The following SFMBT2 variants were observed in gnomAD, a reference collection of about 807,000 sequenced individuals.
The protein encoded by SFMBT2 is Scm like with four mbt domains 2, also known as scm-like with four MBT domains protein 2.
A neutral mutation model predicts 110.1 loss-of-function variants in SFMBT2; 38 were observed. The observed-to-expected ratio is 0.35, with a 90% CI of 0.27 to 0.45. The LOEUF is 0.45. Ranked by LOEUF, SFMBT2 falls within the 20% of genes least tolerant of loss-of-function variation. The probability of loss-of-function intolerance (pLI) is 1.00; values close to 1 mark genes in which losing one functional copy is unlikely to be tolerated. For missense variants in SFMBT2, 1,011 were observed against 1,094.9 expected (o/e 0.92, Z 1.08); for synonymous variants, 425 against 425.4 (o/e 1.00, Z 0.01).
rs140352586 is a variant in SFMBT2, at chr10:7,195,841, C to T, written c.1698+1707G>A. On this transcript the variant is annotated intron_variant, in intron 15 of 20. Transcript: ENST00000397167. ...CTATTTACATACTCATCTTTCCCATCGACTGGACGCTCATGTGGGCCAGGG... is the reference window on the plus strand; with the variant it reads ...CTATTTACATACTCATCTTTCCCATTGACTGGACGCTCATGTGGGCCAGGG... Among the ~76,000 whole-genome samples the T allele has an allele frequency of 2.4e-4, 37 of 152,294 alleles. No individual in the cohort carries two copies. The East Asian group carries it at 6.6e-3, about 27-fold the overall frequency.
At chr10:7,384,608 T>C (rs1479617151) in intron 1 of SFMBT2, among the ~76,000 whole-genome samples, 3 of 152,196 alleles carry the variant, frequency 2.0e-5, no homozygotes, top group African/African-American at 7.2e-5. Context: ...TTAGCTGGAA[T>C]CGACACTAAA....
chr10:7,290,507 A>G (rs1588422455), intron 4 of SFMBT2, among the ~76,000 whole-genome samples: 1 of 152,250 alleles, frequency 6.6e-6, no homozygotes, highest in East Asian at 1.9e-4. Context: ...ACATTTAAAG[A>G]TGGACCCAAA....
chr10:7,286,447 G>C (rs907654061), intron 4 of SFMBT2: 2 of 855,146 alleles, frequency 2.3e-6, no homozygotes, highest in Non-Finnish European at 2.8e-6. Context: ...GAGAAATAGA[G>C]AAATGGGGAG....
At chr10:7,327,136 A>G (rs12261140) in intron 4 of SFMBT2, among the ~76,000 whole-genome samples, 32 of 2,622 alleles carry the variant, frequency 0.012, no homozygotes, top group Admixed American at 0.063. Flanking sequence ...GTCTTCCTTG[A>G]AAAAAAAAAA....
intron 11 of SFMBT2, chr10:7,215,731 A>G: frequency 1.0e-6 from 1 of 985,448 alleles, no homozygotes; most frequent in Non-Finnish European, 1.2e-6. Context: ...CACTGACTCA[A>G]CTTCATAGAC....
In SFMBT2 at chr10:7,249,466, C is replaced by T. The variant is rs145127541; in HGVS notation, c.871-817G>A. 472 of 950,852 alleles carry T rather than the reference C, an allele frequency of 5.0e-4. No individual in the cohort carries two copies. The African/African-American group carries it at 7.9e-3, about 16-fold the overall frequency. The allele number at this position is 950,852 out of a possible 1,614,324, so 58.9% of individuals were successfully genotyped here. Reference sequence around the variant, plus strand: ...CATAACTCACAGTCTGGATAAACAGCAGTGGATAAATGAATGTATTTGCAG... The same window carrying T: ...CATAACTCACAGTCTGGATAAACAGTAGTGGATAAATGAATGTATTTGCAG... On this transcript the variant is annotated intron_variant, in intron 7 of 20. Coordinates refer to ENST00000397167, the MANE Select transcript of SFMBT2 (RefSeq NM_001387889.1).
intron 7 of SFMBT2, among the ~76,000 whole-genome samples, chr10:7,270,655 T>A (rs1482424900): frequency 1.3e-5 from 2 of 152,214 alleles, no homozygotes; most frequent in Admixed American, 6.5e-5. Context: ...CAGTATCTGC[T>A]CTTAAAGCAC....
chr10:7,318,219 T>A (rs571339305), intron 4 of SFMBT2, among the ~76,000 whole-genome samples: 1 of 152,338 alleles, frequency 6.6e-6, no homozygotes, highest in East Asian at 1.9e-4. Flanking sequence ...TCACTGATAT[T>A]CTCTGCCCTA....
chr10:7,188,715 T>C lies in SFMBT2; in HGVS notation c.1717A>G (p.Asn573Asp). Residue 573 changes from asparagine (N) to aspartate (D), a missense_variant, in exon 16 of 21, where the codon AAC becomes GAC. This residue lies in a region of SFMBT2 where 979 missense variants were observed against 1,016.1 expected (regional missense o/e 0.96). Transcript: ENST00000397167. ...ACCCTTCCAGGCTTGTAGGCTGCGTTGATTATCATGCTAAGAACCTTTTGG... is the reference window on the plus strand; with the variant it reads ...ACCCTTCCAGGCTTGTAGGCTGCGTCGATTATCATGCTAAGAACCTTTTGG... Reference protein sequence around the residue: ...VLKEVLSMIINAAYKPGRVLR... With the variant: ...VLKEVLSMIIDAAYKPGRVLR... The C allele has an allele frequency of 6.2e-7, 1 of 1,612,886 alleles. No individual in the cohort carries two copies. The highest frequency in any genetic ancestry group is 1.7e-5 in the Admixed American group (1 of 59,864).
chr10:7,163,563 C>T lies in SFMBT2; in HGVS notation c.*207G>A. ...GGGTCTGATGCATGACTTTAACTGG[C>T]ACTCCCCAGAAGCGACTGCTGCTGT... is the stretch of plus-strand genomic sequence containing the variant. On this transcript the variant is annotated 3_prime_UTR_variant, in exon 21 of 21. Transcript: ENST00000397167. The surrounding 1 kb of genome is among the most constrained non-coding windows in gnomAD (Gnocchi z 4.8). 1 of 529,362 alleles carries T rather than the reference C, an allele frequency of 1.9e-6. No individual in the cohort carries two copies. 32.8% of individuals were successfully genotyped at this position (529,362 alleles called of 1,614,324 possible).
intron 2 of SFMBT2, among the ~76,000 whole-genome samples, chr10:7,376,853 G>GAAAA (rs75674310): frequency 1.0e-4 from 1 of 9,924 alleles, no homozygotes; most frequent in African/African-American, 7.4e-4. Flanking sequence ...GTGGACAGTG[G>GAAAA]CAAAAAAAAA....
chr10:7,259,829 T>C (rs2131769873), intron 7 of SFMBT2, among the ~76,000 whole-genome samples: 1 of 152,338 alleles, frequency 6.6e-6, no homozygotes, highest in South Asian at 2.1e-4. Flanking sequence ...CTGTTAATTT[T>C]GACTCACTCT....
At position 7,205,882 on chromosome 10, in the gene SFMBT2, C is replaced by T. The variant is rs748539497; in HGVS notation, c.1377G>A (p.Met459Ile). ...VPEVIVDVESMDIFPVGWCEA... is the reference protein window; with the variant it reads ...VPEVIVDVESIDIFPVGWCEA... The stretch of plus-strand genomic sequence containing the variant: ...CACACCAGCCCACTGGGAAGATGTC[C>T]ATGGATTCCACATCAACAATGACCT... The change falls in exon 12 of 21, where the codon ATG (methionine) becomes ATA (isoleucine). Residue 459 changes from methionine (M) to isoleucine (I), a missense_variant. Physicochemically the swap from Met to Ile is conservative, Grantham distance 10. Coordinates refer to ENST00000397167, the MANE Select transcript of SFMBT2 (RefSeq NM_001387889.1). 1 of 1,614,050 alleles carries T rather than the reference C, an allele frequency of 6.2e-7. No individual in the cohort carries two copies. The highest frequency in any genetic ancestry group is 1.1e-5 in the South Asian group (1 of 91,076).
chr10:7,334,066 G>A (rs535937144), intron 4 of SFMBT2, among the ~76,000 whole-genome samples: 9 of 152,284 alleles, frequency 5.9e-5, no homozygotes, highest in Non-Finnish European at 1.2e-4. Context: ...TGTGCTACGC[G>A]ACGGCTCTTC....
chr10:7,167,524 C>T (rs541932339), intron 20 of SFMBT2, among the ~76,000 whole-genome samples: 1 of 152,296 alleles, frequency 6.6e-6, no homozygotes, highest in Admixed American at 6.5e-5. Context: ...TGATCTCATT[C>T]GCATGCCAGT....
chr10:7,300,286 CTT>C (rs80207401), intron 4 of SFMBT2, among the ~76,000 whole-genome samples: 1 of 143,716 alleles, frequency 7.0e-6, no homozygotes, highest in Non-Finnish European at 1.5e-5. Flanking sequence ...ATGTATCCAG[CTT>C]TTTTTTTTTT....
intron 16 of SFMBT2, among the ~76,000 whole-genome samples, chr10:7,187,685 G>C (rs1838460558): frequency 6.6e-6 from 1 of 152,210 alleles, no homozygotes; most frequent in Non-Finnish European, 1.5e-5. Flanking sequence ...TTCAGTCACA[G>C]TACTAGTATA....
At chr10:7,325,651 G>A (rs971069195) in intron 4 of SFMBT2, among the ~76,000 whole-genome samples, 2 of 152,202 alleles carry the variant, frequency 1.3e-5, no homozygotes, top group African/African-American at 4.8e-5. Flanking sequence ...CACTTCAGTA[G>A]GTACAGGCTC....
chr10:7,358,147 T>C (rs989683102), intron 4 of SFMBT2, among the ~76,000 whole-genome samples: 2 of 148,644 alleles, frequency 1.3e-5, no homozygotes, highest in African/African-American at 5.0e-5. Context: ...GACATCAACA[T>C]GGCCCTGGAA....
Sources: allele counts gnomAD v4.1 joint callset (sites outside exome capture counted in the v4.1 genomes callset), GRCh38; gene constraint gnomAD v4.1.1; regional missense constraint gnomAD v4.1.1; non-coding constraint Gnocchi (gnomAD v3.1); transcripts MANE v1.5; gene names NCBI Gene and HGNC (gene_info 2026-07-23, HGNC 2026-07-21).